FRMD5: variants seen among roughly 807,000 people sequenced by gnomAD.
FRMD5 encodes the protein FERM domain-containing protein 5.
A neutral mutation model predicts 69.0 loss-of-function variants in FRMD5; 20 were observed. The ratio of observed to expected loss-of-function variants is 0.29; its 90% CI spans 0.20 to 0.42. The LOEUF is 0.42. Among genes scored for constraint, FRMD5 ranks in the 10% least tolerant of loss-of-function variants. The pLI, the probability that FRMD5 is intolerant of heterozygous loss-of-function variation, is 1.00. For synonymous variants in FRMD5, 271 were observed against 260.1 expected, an observed-to-expected ratio of 1.04 and a Z score of -0.40; for missense variants, 595 against 708.6, an observed-to-expected ratio of 0.84 and a Z score of 1.82.
chr15:44,033,105 G>T (rs1392124975), intron 1 of FRMD5, among the ~76,000 whole-genome samples: 1 of 152,164 alleles, frequency 6.6e-6, no homozygotes, highest in Non-Finnish European at 1.5e-5. Flanking sequence ...AAATAACACA[G>T]TTACAGAAAA....
At chr15:43,981,966 G>C (rs1440408024) in intron 1 of FRMD5, among the ~76,000 whole-genome samples, 1 of 152,188 alleles carries the variant, frequency 6.6e-6, no homozygotes, top group African/African-American at 2.4e-5. Flanking sequence ...TAAATCCTGT[G>C]AAGTCACGTA....
At chr15:44,087,737 T>TATCATCATCATCATC (rs61525802) in intron 1 of FRMD5, among the ~76,000 whole-genome samples, 2 of 148,176 alleles carry the variant, frequency 1.3e-5, no homozygotes, top group African/African-American at 5.0e-5. Context: ...TATCAGCTGC[T>TATCATCATCATCATC]ATCATCATCA....
At chr15:43,900,212 A>T (rs1042816611) in intron 7 of FRMD5, among the ~76,000 whole-genome samples, 1 of 152,128 alleles carries the variant, frequency 6.6e-6, no homozygotes, top group Non-Finnish European at 1.5e-5. Context: ...TAAACAGGGG[A>T]TGGGAACCGG....
At chr15:44,143,220 A>G (rs2077300262) in intron 1 of FRMD5, among the ~76,000 whole-genome samples, 1 of 152,222 alleles carries the variant, frequency 6.6e-6, no homozygotes, top group Non-Finnish European at 1.5e-5. Context: ...TGTATCAGAC[A>G]CAGTACACCC....
At chr15:43,926,959 T>C (rs1473312049) in intron 1 of FRMD5, among the ~76,000 whole-genome samples, 1 of 148,914 alleles carries the variant, frequency 6.7e-6, no homozygotes, top group Non-Finnish European at 1.5e-5. Flanking sequence ...ACCACCCATA[T>C]TTGCTGTAAA....
chr15:44,161,486 T>G (rs906321848), intron 1 of FRMD5, among the ~76,000 whole-genome samples: 9 of 152,368 alleles, frequency 5.9e-5, no homozygotes, highest in African/African-American at 2.2e-4. Context: ...CTTCTTCACC[T>G]GTAATATTAA....
At chr15:44,154,028 G>C (rs957175176) in intron 1 of FRMD5, among the ~76,000 whole-genome samples, 20 of 152,070 alleles carry the variant, frequency 1.3e-4, no homozygotes, top group Admixed American at 1.3e-3. Flanking sequence ...ATTAAAACTT[G>C]GGAAAAAATG....
At position 43,911,874 on chromosome 15, in the gene FRMD5, A is replaced by G. The variant is rs76716948; in HGVS notation, c.330-1895T>C. Among the ~76,000 whole-genome samples the G allele has an allele frequency of 2.5e-3, 373 of 152,192 alleles. 9 individuals carry two copies. The East Asian group carries it at 0.062, about 25-fold the overall frequency. ...CAGGAAGAGGGCTGTTGACAGTGCA[A>G]CTTCTAGGAGGTGGTAGGAAGGGGT... On this transcript the variant is annotated intron_variant, in intron 4 of 13. Transcript: ENST00000417257.
intron 1 of FRMD5, among the ~76,000 whole-genome samples, chr15:44,136,170 A>G (rs1360663436): frequency 6.6e-6 from 1 of 151,146 alleles, no homozygotes; most frequent in Non-Finnish European, 1.5e-5. Context: ...GAGCCACTAC[A>G]CCTGCCTATT....
intron 1 of FRMD5, among the ~76,000 whole-genome samples, chr15:44,075,356 C>G (rs1319858298): frequency 7.2e-5 from 11 of 152,086 alleles, no homozygotes; most frequent in Admixed American, 6.5e-4. Context: ...TTTCTTCAAA[C>G]AAGAGACTGC....
chr15:44,188,753 G>A (rs149543022), intron 1 of FRMD5, among the ~76,000 whole-genome samples: 1 of 152,072 alleles, frequency 6.6e-6, no homozygotes, highest in East Asian at 1.9e-4. Flanking sequence ...CTCAAATGAG[G>A]CATAAGAATA....
At chr15:43,884,920 A>C (rs2088627213) in intron 11 of FRMD5, 125 bp from the exon 12 acceptor site, 1 of 792,284 alleles carries the variant, frequency 1.3e-6, no homozygotes, top group South Asian at 1.7e-5. Flanking sequence ...CCTTTCCCTG[A>C]TGTTTTGGTC....
In FRMD5 at chr15:43,924,120, T is replaced by C. The variant is rs1172025325; in HGVS notation, c.207+85A>G. 4.7e-6 allele frequency: 5 copies of C among 1,070,822 alleles called. No homozygotes were observed. In the African/African-American group the frequency reaches 7.8e-5, roughly 17 times the overall value. The allele number at this position is 1,070,822 out of a possible 1,614,324, so 66.3% of individuals were successfully genotyped here. A position where few individuals can be genotyped will look rare whatever the true frequency, so the allele number is the denominator to read the frequency against. On this transcript the variant is annotated intron_variant, in intron 2 of 13. Coordinates refer to ENST00000417257, the MANE Select transcript of FRMD5 (RefSeq NM_032892.5). ...CTGGTTGGTCCCTGATTCCTGAAGC[T>C]TGACTTTGAATATGAATGACAGTTC...
intron 1 of FRMD5, among the ~76,000 whole-genome samples, chr15:44,162,207 A>T (rs2077627347): frequency 1.4e-5 from 2 of 144,560 alleles, no homozygotes; most frequent in Non-Finnish European, 3.0e-5. Flanking sequence ...CTTGTGATCC[A>T]CTCGCCTCAG....
intron 1 of FRMD5, among the ~76,000 whole-genome samples, chr15:44,137,951 G>A (rs973241643): frequency 2.6e-5 from 4 of 152,102 alleles, no homozygotes; most frequent in Non-Finnish European, 5.9e-5. Flanking sequence ...ACAGGCAGGA[G>A]GCACCAAAAT....
At chr15:43,943,327 G>A (rs2140492181) in intron 1 of FRMD5, among the ~76,000 whole-genome samples, 1 of 152,298 alleles carries the variant, frequency 6.6e-6, no homozygotes, top group Non-Finnish European at 1.5e-5. Context: ...TGATCCTCCT[G>A]CCTTGGTCTC....
intron 1 of FRMD5, among the ~76,000 whole-genome samples, chr15:44,001,094 C>A (rs934132620): frequency 6.6e-6 from 1 of 152,130 alleles, no homozygotes; most frequent in Non-Finnish European, 1.5e-5. Flanking sequence ...TTATAATAGC[C>A]ATTCTAACGT....
chr15:44,010,329 T>C (rs1409737190), intron 1 of FRMD5, among the ~76,000 whole-genome samples: 5 of 152,066 alleles, frequency 3.3e-5, no homozygotes, highest in Non-Finnish European at 5.9e-5. Context: ...AGAAGCTCTC[T>C]AGGATTACAG....
At chr15:43,879,314 G>T (rs1164901805) in intron 13 of FRMD5, among the ~76,000 whole-genome samples, 1 of 152,090 alleles carries the variant, frequency 6.6e-6, no homozygotes, top group Non-Finnish European at 1.5e-5. Flanking sequence ...CTTAACAGAA[G>T]ATCTCACCTG....
Sources: gnomAD v4.1 joint callset for allele counts (sites outside exome capture counted in the v4.1 genomes callset) on GRCh38, gnomAD v4.1.1 for gene constraint, MANE v1.5 for transcripts, NCBI Gene and HGNC (gene_info 2026-07-23, HGNC 2026-07-21) for gene names.